The following SNX9 variants were observed in gnomAD, a reference collection of about 807,000 sequenced individuals.
SNX9 encodes the protein sorting nexin-9.
In SNX9, 44 loss-of-function variants were observed where a neutral mutation model predicts 89.4. The ratio of observed to expected loss-of-function variants is 0.49; its 90% CI spans 0.39 to 0.63. The LOEUF (loss-of-function observed/expected upper bound fraction) is 0.63, where lower values mean the gene tolerates loss of function less well. Ranked by LOEUF, SNX9 falls within the 30% of genes least tolerant of loss-of-function variation. The pLI, the probability that SNX9 is intolerant of heterozygous loss-of-function variation, is 0.00. For missense variants in SNX9, 578 were observed against 736.1 expected, an observed-to-expected ratio of 0.79 and a Z score of 2.49; for synonymous variants, 236 against 247.8, an observed-to-expected ratio of 0.95 and a Z score of 0.45.
chr6:157,880,368 C>T (rs1012420840), intron 4 of SNX9, among the ~76,000 whole-genome samples: 10 of 152,170 alleles, frequency 6.6e-5, no homozygotes, highest in African/African-American at 2.4e-4. Flanking sequence ...TGTGTTCCAG[C>T]CTCTCTCACT....
At chr6:157,896,019 T>C (rs1782970225) in intron 4 of SNX9, among the ~76,000 whole-genome samples, 1 of 152,232 alleles carries the variant, frequency 6.6e-6, no homozygotes, top group South Asian at 2.1e-4. Context: ...CAACTTTTTT[T>C]CTGTTGTTCT....
At chr6:157,930,009 G>A (rs143550048) in intron 12 of SNX9, among the ~76,000 whole-genome samples, 5 of 152,208 alleles carry the variant, frequency 3.3e-5, no homozygotes, top group Admixed American at 6.5e-5. Context: ...GGCTACATTT[G>A]TGTCATAATG....
chr6:157,925,349 T>G (rs1250661833), intron 10 of SNX9, among the ~76,000 whole-genome samples: 4 of 152,118 alleles, frequency 2.6e-5, no homozygotes, highest in Non-Finnish European at 5.9e-5. Flanking sequence ...ATACCAAGTG[T>G]CATCTTGGTG....
At chr6:157,902,393 T>C (rs1158907151) in intron 6 of SNX9, among the ~76,000 whole-genome samples, 1 of 152,206 alleles carries the variant, frequency 6.6e-6, no homozygotes, top group Non-Finnish European at 1.5e-5. Context: ...TTTAAATGTT[T>C]TACTGTTTTG....
intron 1 of SNX9, among the ~76,000 whole-genome samples, chr6:157,861,097 A>C (rs903512248): frequency 1.3e-5 from 2 of 152,216 alleles, no homozygotes; most frequent in African/African-American, 4.8e-5. Context: ...TATTCTTGAA[A>C]ATTTTACATA....
chr6:157,927,518 C>T (rs999482024), intron 11 of SNX9, among the ~76,000 whole-genome samples: 7 of 152,106 alleles, frequency 4.6e-5, no homozygotes, highest in African/African-American at 7.2e-5. Context: ...CACCTAAAAC[C>T]CACTCAATAT....
At position 157,943,886 on chromosome 6, in the gene SNX9, A is replaced by G. The variant is rs1784092223; in HGVS notation, c.*1048A>G. 6.6e-6 allele frequency: 1 copy of G among 152,292 alleles called. No homozygotes were observed. Among genetic ancestry groups the G allele is most frequent in the South Asian group, 2.1e-4 (1 of 4,832 alleles). The allele number at this position is 152,292 out of a possible 1,614,324, so 9.4% of individuals were successfully genotyped here. On this transcript the variant is annotated 3_prime_UTR_variant, in exon 18 of 18. Transcript: ENST00000392185. ...TGTCATCAGCAAAGAGAAAAAGCACAGGTTAGCTCCCCATTAGATGGAAAA... is the reference window on the plus strand; with the variant it reads ...TGTCATCAGCAAAGAGAAAAAGCACGGGTTAGCTCCCCATTAGATGGAAAA...
In SNX9 at chr6:157,823,320, C is replaced by G. The variant is rs1781271443; in HGVS notation, c.-115C>G. The G allele has an allele frequency of 1.0e-6, 1 of 958,820 alleles. No individual in the cohort carries two copies. The highest frequency in any genetic ancestry group is 1.3e-6 in the Non-Finnish European group (1 of 760,786). 59.4% of individuals were successfully genotyped at this position (958,820 alleles called of 1,614,324 possible). On this transcript the variant is annotated 5_prime_UTR_variant, in exon 1 of 18. Coordinates refer to ENST00000392185, the MANE Select transcript of SNX9 (RefSeq NM_016224.5). The surrounding 1 kb of genome is among the most constrained non-coding windows in gnomAD (Gnocchi z 4.6). Reference sequence around the variant, plus strand: ...CCGAGGCGGAGGAGCGGCCGCCGCGCCGGGGCCCAGCCGGAGCCGCCGCCC... The same window carrying G: ...CCGAGGCGGAGGAGCGGCCGCCGCGGCGGGGCCCAGCCGGAGCCGCCGCCC...
intron 1 of SNX9, among the ~76,000 whole-genome samples, chr6:157,863,881 CT>C (rs1782197750): frequency 6.6e-6 from 1 of 152,178 alleles, no homozygotes; most frequent in African/African-American, 2.4e-5. Flanking sequence ...ACATGTTATA[CT>C]TATTTGGAGA....
intron 4 of SNX9, among the ~76,000 whole-genome samples, chr6:157,878,502 T>C (rs1300006146): frequency 6.6e-6 from 1 of 151,246 alleles, no homozygotes; most frequent in Non-Finnish European, 1.5e-5. Flanking sequence ...TGATGTCAGC[T>C]CACTGCAACC....
chr6:157,928,965 T>C (rs1783752819), intron 12 of SNX9, among the ~76,000 whole-genome samples: 1 of 152,210 alleles, frequency 6.6e-6, no homozygotes, highest in Non-Finnish European at 1.5e-5. Flanking sequence ...TTTATAATCT[T>C]TGGAAAATTA....
At chr6:157,901,225 C>G (rs1245611710) in intron 5 of SNX9, among the ~76,000 whole-genome samples, 1 of 152,198 alleles carries the variant, frequency 6.6e-6, no homozygotes, top group Non-Finnish European at 1.5e-5. Context: ...TTACAATAAT[C>G]AGGAGCATTT....
intron 1 of SNX9, among the ~76,000 whole-genome samples, chr6:157,840,502 C>A (rs1583193518): frequency 6.9e-6 from 1 of 144,212 alleles, no homozygotes; most frequent in African/African-American, 2.6e-5. Context: ...CTTTCTCTTT[C>A]TTTCTTCTTT....
At chr6:157,880,764 C>G (rs150603121) in intron 4 of SNX9, among the ~76,000 whole-genome samples, 408 of 152,284 alleles carry the variant, frequency 2.7e-3, no homozygotes, top group African/African-American at 9.3e-3. Flanking sequence ...AAGAGGCAAC[C>G]TAGCTTGGTG....
intron 1 of SNX9, among the ~76,000 whole-genome samples, chr6:157,866,746 T>C (rs1400769940): frequency 6.6e-6 from 1 of 152,152 alleles, no homozygotes; most frequent in Non-Finnish European, 1.5e-5. Flanking sequence ...TCATTCTTAT[T>C]AGATAAGGAG....
At chr6:157,844,585 T>C (rs1033407587) in intron 1 of SNX9, among the ~76,000 whole-genome samples, 1 of 144,222 alleles carries the variant, frequency 6.9e-6, no homozygotes, top group Non-Finnish European at 1.5e-5. Flanking sequence ...TGGCTAATCC[T>C]TGTTTTTTTT....
At chr6:157,922,458 G>C (rs1423356699) in intron 10 of SNX9, among the ~76,000 whole-genome samples, 1 of 152,166 alleles carries the variant, frequency 6.6e-6, no homozygotes. Context: ...AGCTATTTTT[G>C]TCTTTAATGA....
intron 4 of SNX9, among the ~76,000 whole-genome samples, chr6:157,879,428 C>T (rs889444852): frequency 6.6e-6 from 1 of 152,294 alleles, no homozygotes; most frequent in Middle Eastern, 3.4e-3. Context: ...CACACATACA[C>T]ACACACCATA....
chr6:157,842,614 G>A (rs2115114894), intron 1 of SNX9, among the ~76,000 whole-genome samples: 1 of 152,296 alleles, frequency 6.6e-6, no homozygotes, highest in African/African-American at 2.4e-5. Flanking sequence ...CTTGGGAAGT[G>A]GGGAGTGCTG....
Sources: allele counts gnomAD v4.1 joint callset (sites outside exome capture counted in the v4.1 genomes callset), GRCh38; gene constraint gnomAD v4.1.1; non-coding constraint Gnocchi (gnomAD v3.1); transcripts MANE v1.5; gene names NCBI Gene and HGNC (gene_info 2026-07-23, HGNC 2026-07-21).